TBC1D2B: variants seen among roughly 807,000 people sequenced by gnomAD.
TBC1D2B encodes the protein TBC1 domain family member 2B.
Under a neutral mutation model 100.8 loss-of-function variants are expected in TBC1D2B, and 64 were observed. That is an observed-to-expected ratio of 0.64 (90% CI 0.52 to 0.78). The LOEUF is 0.78. TBC1D2B is among the 30% of genes least tolerant of loss of function. TBC1D2B has a pLI of 0.00. For missense variants in TBC1D2B, 1,052 were observed against 1,218.4 expected, an observed-to-expected ratio of 0.86 and a Z score of 2.03; for synonymous variants, 480 against 479.7, an observed-to-expected ratio of 1.00 and a Z score of -0.01.
intron 3 of TBC1D2B, among the ~76,000 whole-genome samples, chr15:78,036,095 A>C (rs550856084): frequency 6.6e-6 from 1 of 152,210 alleles, no homozygotes; most frequent in African/African-American, 2.4e-5. Context: ...CATAGTGGAT[A>C]CTGTACAATC....
At position 78,024,402 on chromosome 15, in the gene TBC1D2B, A is replaced by G; in HGVS notation, c.1224T>C (p.Leu408=). 1 of 1,614,048 alleles carries G rather than the reference A, an allele frequency of 6.2e-7. No homozygotes were observed. The highest frequency in any genetic ancestry group is 1.6e-4 in the Middle Eastern group (1 of 6,062). The change falls in exon 6 of 13, where the codon CTT becomes CTC. Residue 408 remains leucine, a synonymous_variant. Coordinates refer to ENST00000300584, the MANE Select transcript of TBC1D2B (RefSeq NM_144572.2). ...AGCTGAACCTCTCCAGCTGGCTGGTAAGGCCCAGAATCTGATCATCCTTTT... is the reference window on the plus strand; with the variant it reads ...AGCTGAACCTCTCCAGCTGGCTGGTGAGGCCCAGAATCTGATCATCCTTTT... The part of the protein sequence containing the change: ...LHQKDDQILG[L]TSQLERFSLE...
chr15:78,066,238 A>C (rs1050714938), intron 1 of TBC1D2B: 1 of 341,838 alleles, frequency 2.9e-6, no homozygotes, highest in Non-Finnish European at 6.0e-6. Context: ...GCAGCATAGA[A>C]ACTCAGAATG....
chr15:78,073,562 T>A (rs533270423), intron 1 of TBC1D2B, among the ~76,000 whole-genome samples: 3 of 152,204 alleles, frequency 2.0e-5, no homozygotes, highest in African/African-American at 7.2e-5. Context: ...GGGAATCAGT[T>A]CTTGCATTTG....
At chr15:78,005,628 T>C (rs2072045311) in intron 10 of TBC1D2B, among the ~76,000 whole-genome samples, 3 of 152,224 alleles carry the variant, frequency 2.0e-5, no homozygotes, top group Non-Finnish European at 2.9e-5. Flanking sequence ...CATGCTATAA[T>C]GTGAACAAGC....
intron 11 of TBC1D2B, 47 bp downstream of exon 11, chr15:78,003,258 G>C: frequency 6.4e-7 from 1 of 1,566,184 alleles, no homozygotes. Flanking sequence ...GCTGCTGACG[G>C]TTGTCAAGTG....
At chr15:78,020,853 A>G (rs1054791309) in intron 6 of TBC1D2B, among the ~76,000 whole-genome samples, 1 of 152,248 alleles carries the variant, frequency 6.6e-6, no homozygotes, top group Non-Finnish European at 1.5e-5. Flanking sequence ...AAGAAGGAGA[A>G]GCTGTAGGCA....
At chr15:78,051,924 G>A (rs928342463) in intron 2 of TBC1D2B, among the ~76,000 whole-genome samples, 2 of 152,018 alleles carry the variant, frequency 1.3e-5, no homozygotes, top group African/African-American at 4.8e-5. Context: ...ACTGCTCTGG[G>A]GCCCAAAGTT....
chr15:78,054,313 A>G, intron 1 of TBC1D2B, 126 bp from the exon 2 acceptor site: 5 of 956,462 alleles, frequency 5.2e-6, no homozygotes, highest in Non-Finnish European at 7.2e-6. Context: ...GATCAAGGAA[A>G]CTTCAGTTAC....
chr15:78,077,378 T>C lies in TBC1D2B; in HGVS notation c.275A>G (p.Gln92Arg). 5 of 1,541,870 alleles carry C rather than the reference T, an allele frequency of 3.2e-6. No individual in the cohort carries two copies. Among genetic ancestry groups the C allele is most frequent in the Non-Finnish European group, 4.4e-6 (5 of 1,143,822 alleles). The change falls in exon 1 of 13, where the codon CAG (glutamine) becomes CGG (arginine). Residue 92 changes from glutamine to arginine, a missense_variant. By Grantham distance (43) the Gln-to-Arg change is conservative (BLOSUM62 1). Transcript: ENST00000300584. ...LDIADACFSY[Q>R]GPDEAAEPGT... ...CGGCTCCGCCGCCTCGTCGGGGCCC[T>C]GGTAGCTGAAGCAGGCGTCCGCGAT... is the stretch of plus-strand genomic sequence containing the variant.
intron 3 of TBC1D2B, among the ~76,000 whole-genome samples, chr15:78,036,738 C>T (rs2072954034): frequency 6.6e-6 from 1 of 152,212 alleles, no homozygotes; most frequent in African/African-American, 2.4e-5. Flanking sequence ...CTGTTTTAAG[C>T]CACCAGTGTT....
rs1162145456 is a variant in TBC1D2B, at chr15:77,995,288, C to G, written c.*2872G>C. 6.6e-6 allele frequency: 1 copy of G among 152,218 alleles called. No individual in the cohort carries two copies. The highest frequency in any genetic ancestry group is 2.4e-5 in the African/African-American group (1 of 41,444). The allele number at this position is 152,218 out of a possible 1,614,324, so 9.4% of individuals were successfully genotyped here. ...CAATACAAACATGTAGCTAGAAAAC[C>G]CAACCGAGGATCTGTCTAGAATACT... On this transcript the variant is annotated 3_prime_UTR_variant, in exon 13 of 13. Transcript: ENST00000300584.
intron 6 of TBC1D2B, among the ~76,000 whole-genome samples, chr15:78,020,776 G>A (rs1454100287): frequency 2.6e-5 from 4 of 152,214 alleles, no homozygotes; most frequent in African/African-American, 9.6e-5. Flanking sequence ...AGGCCCAGGA[G>A]TGCAGTGCCT....
chr15:78,059,558 C>A (rs1209180526), intron 1 of TBC1D2B, among the ~76,000 whole-genome samples: 2 of 152,106 alleles, frequency 1.3e-5, no homozygotes, highest in African/African-American at 4.8e-5. Flanking sequence ...ACATGAGGCA[C>A]CAGCTCGGAG....
rs561547769 is a variant in TBC1D2B, at chr15:78,077,658, C to T, written c.-6G>A. 4 of 987,136 alleles carry T rather than the reference C, an allele frequency of 4.1e-6. No individual in the cohort carries two copies. The highest frequency in any genetic ancestry group is 3.6e-6 in the Non-Finnish European group (3 of 831,590). The allele number at this position is 987,136 out of a possible 1,614,324, so 61.1% of individuals were successfully genotyped here. On this transcript the variant is annotated 5_prime_UTR_variant, in exon 1 of 13. Transcript: ENST00000300584. ...CGGGCTCCGGCCCCCGGCATCGCTA[C>T]CGCGCGCCAACCGTAGGCGCCCGCG... is the stretch of plus-strand genomic sequence containing the variant.
intron 1 of TBC1D2B, among the ~76,000 whole-genome samples, chr15:78,058,003 G>C (rs79471839): frequency 0.013 from 1,973 of 152,304 alleles, 44 homozygotes; most frequent in African/African-American, 0.044. Flanking sequence ...AATTGGTTCA[G>C]ATCTGCCCTG....
chr15:78,055,824 G>A (rs145339707), intron 1 of TBC1D2B, among the ~76,000 whole-genome samples: 272 of 152,304 alleles, frequency 1.8e-3, no homozygotes, highest in Non-Finnish European at 3.1e-3. Flanking sequence ...CTGGGGCCTG[G>A]CCTAGTGAGA....
chr15:78,039,789 A>G (rs1297582331), intron 3 of TBC1D2B, among the ~76,000 whole-genome samples: 1 of 149,884 alleles, frequency 6.7e-6, no homozygotes, highest in African/African-American at 2.5e-5. Context: ...CACACACGCA[A>G]TTTACTGATG....
At chr15:78,025,992 C>T (rs938504762) in intron 4 of TBC1D2B, among the ~76,000 whole-genome samples, 5 of 151,468 alleles carry the variant, frequency 3.3e-5, no homozygotes, top group African/African-American at 1.2e-4. Flanking sequence ...CAACATGCTT[C>T]AGCCAGAGAT....
At chr15:78,062,848 A>T (rs1289388174) in intron 1 of TBC1D2B, among the ~76,000 whole-genome samples, 1 of 151,896 alleles carries the variant, frequency 6.6e-6, no homozygotes, top group African/African-American at 2.4e-5. Flanking sequence ...CTCGTAACTA[A>T]CTCTCCCCAA....
Sources: allele counts gnomAD v4.1 joint callset (sites outside exome capture counted in the v4.1 genomes callset), GRCh38; gene constraint gnomAD v4.1.1; transcripts MANE v1.5; gene names NCBI Gene and HGNC (gene_info 2026-07-23, HGNC 2026-07-21).